Variants in WAPL observed in about 807,000 individuals in gnomAD.
The protein encoded by WAPL is wings apart-like protein homolog.
In WAPL, 5 loss-of-function variants were observed where a neutral mutation model predicts 121.0. That is an observed-to-expected ratio of 0.04 (90% CI 0.02 to 0.09). The LOEUF (loss-of-function observed/expected upper bound fraction) is 0.09. Ranked by LOEUF, WAPL falls within the 10% of genes least tolerant of loss-of-function variation. The pLI, the probability that WAPL is intolerant of heterozygous loss-of-function variation, is 1.00. For missense variants in WAPL, 999 were observed against 1,410.8 expected, an observed-to-expected ratio of 0.71 and a Z score of 4.68; for synonymous variants, 480 against 481.5, an observed-to-expected ratio of 1.00 and a Z score of 0.04.
rs775229590 is a variant in WAPL at position 86,517,582 on chromosome 10, A to G, written c.488T>C (p.Leu163Ser). The change falls in exon 2 of 19, where the codon TTA (leucine) becomes TCA (serine). Residue 163 changes from leucine (L) to serine (S), a missense_variant. Leu to Ser is a moderately radical substitution (Grantham distance 145). Coordinates refer to ENST00000298767, the MANE Select transcript of WAPL (RefSeq NM_015045.5). ...DDASISSCNKLITSDKVENFH... is the reference protein window; with the variant it reads ...DDASISSCNKSITSDKVENFH... ...AAATCAAAACTTACCTGAAGTTATTAATTTATTACAGCTACTTATGCTTGC... is the reference window on the plus strand; with the variant it reads ...AAATCAAAACTTACCTGAAGTTATTGATTTATTACAGCTACTTATGCTTGC... 2.1e-5 allele frequency: 34 copies of G among 1,603,644 alleles called. No homozygotes were observed. Among genetic ancestry groups the G allele is most frequent in the Non-Finnish European group, 2.6e-5 (31 of 1,173,858 alleles).
chr10:86,518,516 T>A (rs1251278075), intron 1 of WAPL, among the ~76,000 whole-genome samples: 1 of 152,230 alleles, frequency 6.6e-6, no homozygotes. Context: ...GAGACCAGCC[T>A]GCCCAACACG....
intron 4 of WAPL, among the ~76,000 whole-genome samples, chr10:86,483,089 T>G (rs1841829634): frequency 6.6e-6 from 1 of 152,218 alleles, no homozygotes; most frequent in Admixed American, 6.5e-5. Context: ...GTGATGCTTT[T>G]GTAAACAAAC....
At chr10:86,519,449 C>A (rs4934217) in intron 1 of WAPL, among the ~76,000 whole-genome samples, 146,467 of 152,300 alleles carry the variant, frequency 0.96, 70,573 homozygotes, top group East Asian at 1. Context: ...AAATTCTTAC[C>A]ATTTATAATG....
chr10:86,468,153 ATG>A (rs934994772), intron 8 of WAPL, among the ~76,000 whole-genome samples: 4 of 152,088 alleles, frequency 2.6e-5, no homozygotes, highest in African/African-American at 7.2e-5. Flanking sequence ...TTTTGCAGAT[ATG>A]TGTGTGTGAG....
chr10:86,498,923 G>T (rs1453618742), intron 3 of WAPL, among the ~76,000 whole-genome samples: 1 of 152,162 alleles, frequency 6.6e-6, no homozygotes, highest in Non-Finnish European at 1.5e-5. Flanking sequence ...AACCAACTTA[G>T]GAGGGTTTGA....
Position 86,454,457 on chromosome 10 carries a change from C to T in WAPL, c.2658-626G>A, listed in dbSNP as rs377591988. Among the ~76,000 whole-genome samples the T allele has an allele frequency of 3.8e-3, 573 of 152,310 alleles. 1 individual carries two copies. Among genetic ancestry groups the T allele is most frequent in the African/African-American group, 6.0e-3 (249 of 41,578 alleles). On this transcript the variant is annotated intron_variant, in intron 12 of 18. Transcript: ENST00000298767. Reference sequence around the variant, plus strand: ...AGGCTGGACTGTACTGCCGCCATCTCGGCTCACTGCAACCTCCCTGCCTGA... The same window carrying T: ...AGGCTGGACTGTACTGCCGCCATCTTGGCTCACTGCAACCTCCCTGCCTGA...
chr10:86,517,738 G>A lies in WAPL; in HGVS notation c.332C>T (p.Ser111Leu). The A allele has an allele frequency of 1.2e-6, 2 of 1,614,138 alleles. No individual in the cohort carries two copies. The highest frequency in any genetic ancestry group is 1.7e-6 in the Non-Finnish European group (2 of 1,180,030). ...SEAAQLEEVTSVLEANSKISH... is the reference protein window; with the variant it reads ...SEAAQLEEVTLVLEANSKISH... The stretch of plus-strand genomic sequence containing the variant: ...AATTTTGCTATTAGCTTCAAGTACT[G>A]AAGTGACCTCTTCCAACTGAGCAGC... The change falls in exon 2 of 19, where the codon TCA becomes TTA. Residue 111 changes from serine to leucine, a missense_variant. Physicochemically the swap from Ser to Leu is moderately radical, Grantham distance 145. Transcript: ENST00000298767.
intron 2 of WAPL, among the ~76,000 whole-genome samples, chr10:86,510,993 A>ATT (rs34364720): frequency 6.8e-6 from 1 of 145,994 alleles, no homozygotes; most frequent in African/African-American, 2.5e-5. Flanking sequence ...CATCAGGCTA[A>ATT]TTTTTTTTTT....
chr10:86,508,949 G>T (rs1004900667), intron 2 of WAPL, among the ~76,000 whole-genome samples: 1 of 151,290 alleles, frequency 6.6e-6, no homozygotes, highest in African/African-American at 2.4e-5. Context: ...TAGAGACAGG[G>T]TTTCACCGTG....
chr10:86,501,371 T>G (rs1449605715), intron 2 of WAPL, among the ~76,000 whole-genome samples: 1 of 152,244 alleles, frequency 6.6e-6, no homozygotes, highest in East Asian at 1.9e-4. Flanking sequence ...ATCCTCAGCC[T>G]GCCTATTCAT....
chr10:86,495,607 C>T (rs1223360210), intron 4 of WAPL, among the ~76,000 whole-genome samples: 1 of 152,134 alleles, frequency 6.6e-6, no homozygotes, highest in African/African-American at 2.4e-5. Flanking sequence ...GTATGTAACA[C>T]TGGATCTGGC....
intron 9 of WAPL, among the ~76,000 whole-genome samples, chr10:86,465,253 C>T (rs941742490): frequency 1.3e-5 from 2 of 152,040 alleles, no homozygotes; most frequent in Non-Finnish European, 1.5e-5. Flanking sequence ...AGTGCAGTGG[C>T]GCCAATCTCG....
At chr10:86,489,900 A>AAAG (rs397693890) in intron 4 of WAPL, among the ~76,000 whole-genome samples, 1 of 150,552 alleles carries the variant, frequency 6.6e-6, no homozygotes, top group Non-Finnish European at 1.5e-5. Context: ...AAAAAAAAAA[A>AAAG]GGCTACTACG....
chr10:86,456,427 C>T (rs963701223), intron 12 of WAPL, among the ~76,000 whole-genome samples: 1 of 149,928 alleles, frequency 6.7e-6, no homozygotes, highest in African/African-American at 2.5e-5. Context: ...AAAGGATTCT[C>T]AAGATACTAC....
At chr10:86,447,641 G>GT (rs1473653635) in intron 15 of WAPL, among the ~76,000 whole-genome samples, 1 of 152,140 alleles carries the variant, frequency 6.6e-6, no homozygotes, top group African/African-American at 2.4e-5. Context: ...GGCACAGGAA[G>GT]TATGTGTTTG....
Position 86,500,250 on chromosome 10 carries a change from T to G in WAPL, c.993A>C (p.Lys331Asn). The change falls in exon 3 of 19, where the codon AAA (lysine) becomes AAC (asparagine). Residue 331 changes from lysine to asparagine, a missense_variant. Physicochemically the swap from Lys to Asn is moderately conservative, Grantham distance 94. Transcript: ENST00000298767. ...CTTTCTTTGCCTGATTCAGGCCATCTTTACTCGATTCACTGTTTGCTTTGG... is the reference window on the plus strand; with the variant it reads ...CTTTCTTTGCCTGATTCAGGCCATCGTTACTCGATTCACTGTTTGCTTTGG... Reference protein sequence around the residue: ...ALAKANSESSKDGLNQAKKGG... With the variant: ...ALAKANSESSNDGLNQAKKGG... The G allele has an allele frequency of 1.2e-6, 2 of 1,614,194 alleles. No individual in the cohort carries two copies. The highest frequency in any genetic ancestry group is 1.7e-6 in the Non-Finnish European group (2 of 1,180,024).
intron 2 of WAPL, among the ~76,000 whole-genome samples, chr10:86,502,123 T>G (rs191163414): frequency 6.6e-6 from 1 of 152,238 alleles, no homozygotes; most frequent in Admixed American, 6.5e-5. Context: ...GAAATAACTT[T>G]CCACGAACAC....
chr10:86,454,070 AT>A (rs1841071097), intron 12 of WAPL, among the ~76,000 whole-genome samples: 1 of 152,206 alleles, frequency 6.6e-6, no homozygotes, highest in African/African-American at 2.4e-5. Flanking sequence ...CTCGCATGTT[AT>A]TGATCTCTCC....
At chr10:86,499,238 G>T (rs1201236845) in intron 3 of WAPL, among the ~76,000 whole-genome samples, 1 of 152,146 alleles carries the variant, frequency 6.6e-6, no homozygotes, top group Non-Finnish European at 1.5e-5. Flanking sequence ...ATTAACACTT[G>T]AAATGCTGTA....
Sources: gnomAD v4.1 joint callset for allele counts (sites outside exome capture counted in the v4.1 genomes callset) on GRCh38, gnomAD v4.1.1 for gene constraint, MANE v1.5 for transcripts, NCBI Gene and HGNC (gene_info 2026-07-23, HGNC 2026-07-21) for gene names.